Variants in COPS3 observed in about 807,000 individuals in gnomAD.
COPS3 encodes COP9 signalosome subunit 3, also known as COP9 signalosome complex subunit 3.
In COPS3, 10 loss-of-function variants were observed where a neutral mutation model predicts 58.2. The ratio of observed to expected loss-of-function variants is 0.17; its 90% CI spans 0.11 to 0.29. The LOEUF is 0.29. Among genes scored for constraint, COPS3 ranks in the 10% least tolerant of loss-of-function variants. COPS3 has a pLI of 1.00. For synonymous variants in COPS3, 187 were observed against 181.7 expected (o/e 1.03, Z -0.24); for missense variants, 333 against 510.1 (o/e 0.65, Z 3.34).
chr17:17,263,082 A>C (rs1229062642), intron 6 of COPS3, among the ~76,000 whole-genome samples: 1 of 151,664 alleles, frequency 6.6e-6, no homozygotes, highest in Non-Finnish European at 1.5e-5. Context: ...AGGTCAGGAG[A>C]TCAAGACCAT....
chr17:17,252,495 C>T (rs2047872365), intron 9 of COPS3, among the ~76,000 whole-genome samples: 1 of 151,938 alleles, frequency 6.6e-6, no homozygotes, highest in South Asian at 2.1e-4. Context: ...TAGCAGCATC[C>T]CTGGCCCGTA....
intron 11 of COPS3, 48 bp downstream of exon 11, chr17:17,247,432 C>T: frequency 2.6e-6 from 4 of 1,552,350 alleles, no homozygotes; most frequent in Non-Finnish European, 1.8e-6. Flanking sequence ...GACAACACCC[C>T]TCCTTCTCCA....
intron 2 of COPS3, among the ~76,000 whole-genome samples, chr17:17,272,040 G>A (rs753079012): frequency 2.6e-5 from 4 of 151,660 alleles, no homozygotes; most frequent in South Asian, 2.1e-4. Context: ...CCAGCACTAC[G>A]GAAGGCCAAG....
At chr17:17,271,944 A>G (rs2048363420) in intron 2 of COPS3, among the ~76,000 whole-genome samples, 2 of 148,198 alleles carry the variant, frequency 1.3e-5, no homozygotes, top group East Asian at 2.0e-4. Context: ...ATATATATAT[A>G]TGTTTAATAA....
intron 8 of COPS3, among the ~76,000 whole-genome samples, chr17:17,255,664 ACTCCAC>A (rs1274489276): frequency 4.7e-5 from 7 of 147,824 alleles, no homozygotes; most frequent in Non-Finnish European, 1.0e-4. Context: ...ACATGATGAA[ACTCCAC>A]CTCTACTAAA....
At chr17:17,265,024 A>T (rs765733016) in intron 5 of COPS3, 43 bp from the exon 6 acceptor site, 1 of 1,545,598 alleles carries the variant, frequency 6.5e-7, no homozygotes, top group Admixed American at 1.9e-5. Flanking sequence ...AATTTTACTT[A>T]GGCAGGTATT....
rs775430360 is a variant in COPS3 at position 17,270,999 on chromosome 17, C to T, written c.195G>A (p.Lys65=). 7 of 1,611,792 alleles carry T rather than the reference C, an allele frequency of 4.3e-6. No individual in the cohort carries two copies. The highest frequency in any genetic ancestry group is 5.9e-6 in the Non-Finnish European group (7 of 1,178,004). Residue 65 remains lysine (K), a synonymous_variant, in exon 3 of 12, where the codon AAG becomes AAA. Transcript: ENST00000268717. ...SLGVLAVLFV[K]FSMPSVPDFE... is the part of the protein sequence containing the mutation. Reference sequence around the variant, plus strand: ...AGTCAGGAACACTGGGCATAGAAAACTTCACAAACCTAGAATAAGGAGAAA... The same window carrying T: ...AGTCAGGAACACTGGGCATAGAAAATTTCACAAACCTAGAATAAGGAGAAA...
intron 1 of COPS3, among the ~76,000 whole-genome samples, chr17:17,279,547 T>G (rs1705864580): frequency 6.6e-6 from 1 of 152,166 alleles, no homozygotes; most frequent in Non-Finnish European, 1.5e-5. Context: ...GAATTCTTAT[T>G]AAGTGCAGCT....
In COPS3 at chr17:17,247,561, C is replaced by G; in HGVS notation, c.1138-1G>C. ...CATCCAGCTCAATGCACTTCAGCATCTGCATGACAGGCACATTAGAAGGTG... is the reference window on the plus strand; with the variant it reads ...CATCCAGCTCAATGCACTTCAGCATGTGCATGACAGGCACATTAGAAGGTG... On this transcript the variant is annotated splice_acceptor_variant, in intron 10 of 11. Coordinates refer to ENST00000268717, the MANE Select transcript of COPS3 (RefSeq NM_003653.4). LOFTEE classifies it high-confidence loss of function. The G allele has an allele frequency of 6.2e-7, 1 of 1,614,142 alleles. No homozygotes were observed. Among genetic ancestry groups the G allele is most frequent in the Non-Finnish European group, 8.5e-7 (1 of 1,179,998 alleles).
intron 11 of COPS3, 75 bp downstream of exon 11, chr17:17,247,405 G>T: frequency 7.4e-7 from 1 of 1,354,094 alleles, no homozygotes; most frequent in Non-Finnish European, 1.1e-6. Context: ...CTGAAACTTA[G>T]TTCCTGTGCC....
chr17:17,256,268 A>G (rs530906248), intron 8 of COPS3, among the ~76,000 whole-genome samples: 1 of 152,256 alleles, frequency 6.6e-6, no homozygotes, highest in East Asian at 1.9e-4. Flanking sequence ...ATATATATGT[A>G]AACTGAAAAG....
chr17:17,262,156 A>C, intron 6 of COPS3, 50 bp from the exon 7 acceptor site: 2 of 1,511,308 alleles, frequency 1.3e-6, no homozygotes, highest in Non-Finnish European at 1.8e-6. Context: ...CACAGTAGCA[A>C]ACAACAATCA....
chr17:17,256,449 G>A (rs1436423547), intron 8 of COPS3, among the ~76,000 whole-genome samples: 1 of 152,156 alleles, frequency 6.6e-6, no homozygotes. Context: ...CACTTGTGAT[G>A]AGGGAAACCA....
chr17:17,256,749 C>T (rs75630240), intron 8 of COPS3, among the ~76,000 whole-genome samples: 2,158 of 152,188 alleles, frequency 0.014, 23 homozygotes, highest in Non-Finnish European at 0.021. Flanking sequence ...CTGTGCCCAG[C>T]TAATTTTATT....
At chr17:17,268,115 C>G in intron 4 of COPS3, 138 bp from the exon 5 acceptor site, 1 of 1,230,640 alleles carries the variant, frequency 8.1e-7, no homozygotes, top group Non-Finnish European at 1.0e-6. Flanking sequence ...CATACTCTTT[C>G]AGGAAATTTC....
chr17:17,254,829 A>AAAAAAAG (rs2047929958), intron 9 of COPS3, 30 bp downstream of exon 9: 1 of 1,414,154 alleles, frequency 7.1e-7, no homozygotes, highest in African/African-American at 1.5e-5. Flanking sequence ...AAAAAAAAAA[A>AAAAAAAG]AAAGAAAAAG....
At chr17:17,275,251 C>T (rs919912460) in intron 2 of COPS3, among the ~76,000 whole-genome samples, 20 of 151,940 alleles carry the variant, frequency 1.3e-4, no homozygotes, top group Non-Finnish European at 2.4e-4. Flanking sequence ...CCAACACACC[C>T]GGCTAGTTTT....
At chr17:17,252,297 G>T (rs1430070951) in intron 9 of COPS3, among the ~76,000 whole-genome samples, 1 of 152,136 alleles carries the variant, frequency 6.6e-6, no homozygotes, top group East Asian at 1.9e-4. Context: ...CATTCCAGAA[G>T]GGTTTCTCAA....
At chr17:17,259,837 T>C (rs1055331791) in intron 8 of COPS3, among the ~76,000 whole-genome samples, 5 of 151,232 alleles carry the variant, frequency 3.3e-5, no homozygotes, top group African/African-American at 1.2e-4. Flanking sequence ...GAGGGTGCAA[T>C]GAGCCGAAAT....
Sources: gnomAD v4.1 joint callset for allele counts (sites outside exome capture counted in the v4.1 genomes callset) on GRCh38, gnomAD v4.1.1 for gene constraint, MANE v1.5 for transcripts, NCBI Gene and HGNC (gene_info 2026-07-23, HGNC 2026-07-21) for gene names.